ATF7IP2: variants seen among roughly 807,000 people sequenced by gnomAD.
ATF7IP2 encodes activating transcription factor 7 interacting protein 2, also known as activating transcription factor 7-interacting protein 2.
A neutral mutation model predicts 64.2 loss-of-function variants in ATF7IP2; 42 were observed. The observed-to-expected ratio is 0.65, with a 90% CI of 0.51 to 0.85. The LOEUF (loss-of-function observed/expected upper bound fraction) is 0.85, where lower values mean the gene tolerates loss of function less well. ATF7IP2 is among the 40% of genes least tolerant of loss of function. ATF7IP2 has a pLI of 0.00. For synonymous variants in ATF7IP2, 308 were observed against 272.8 expected (o/e 1.13, Z -1.27); for missense variants, 933 against 784.2 (o/e 1.19, Z -2.27).
At chr16:10,433,460 C>A in intron 5 of ATF7IP2, 65 bp from the exon 6 acceptor site, 2 of 1,470,334 alleles carry the variant, frequency 1.4e-6, no homozygotes, top group South Asian at 1.2e-5. Flanking sequence ...CAGACATGAG[C>A]CACCACACTG....
At chr16:10,459,248 C>G (rs2049288879) in intron 9 of ATF7IP2, among the ~76,000 whole-genome samples, 1 of 152,076 alleles carries the variant, frequency 6.6e-6, no homozygotes, top group South Asian at 2.1e-4. Flanking sequence ...GTGGGTGGAT[C>G]ACGAGGTCAG....
intron 9 of ATF7IP2, among the ~76,000 whole-genome samples, chr16:10,465,416 T>A (rs1470858803): frequency 1.3e-5 from 2 of 151,952 alleles, no homozygotes; most frequent in East Asian, 3.9e-4. Flanking sequence ...ATAAAAATTA[T>A]CAGTTTCCTC....
At chr16:10,387,355 A>T (rs2047222478) in intron 1 of ATF7IP2, 1 of 152,228 alleles carries the variant, frequency 6.6e-6, no homozygotes, top group East Asian at 1.9e-4. Context: ...CTCCGATCTT[A>T]ATCAAATTTA....
intron 1 of ATF7IP2, among the ~76,000 whole-genome samples, chr16:10,397,907 A>C (rs977306568): frequency 6.6e-6 from 1 of 152,084 alleles, no homozygotes; most frequent in Non-Finnish European, 1.5e-5. Flanking sequence ...TTTCAAAAGA[A>C]GACATACAAA....
At chr16:10,476,287 T>C (rs2050005133) in intron 12 of ATF7IP2, among the ~76,000 whole-genome samples, 1 of 152,204 alleles carries the variant, frequency 6.6e-6, no homozygotes, top group African/African-American at 2.4e-5. Context: ...AGAATCTTGT[T>C]CATCTTTGTG....
At chr16:10,453,704 A>C (rs1486369843) in intron 8 of ATF7IP2, among the ~76,000 whole-genome samples, 1 of 152,074 alleles carries the variant, frequency 6.6e-6, no homozygotes, top group Non-Finnish European at 1.5e-5. Context: ...CGCAACCTCC[A>C]TCTCCTGGGT....
At chr16:10,431,990 ATTTTTTTTTT>A (rs34029007) in intron 5 of ATF7IP2, among the ~76,000 whole-genome samples, 2 of 111,608 alleles carry the variant, frequency 1.8e-5, no homozygotes, top group South Asian at 6.1e-4. Context: ...CGCCCGGCTA[ATTTTTTTTTT>A]TTTTTTTTTT....
At chr16:10,432,161 G>A (rs1479065211) in intron 5 of ATF7IP2, among the ~76,000 whole-genome samples, 1 of 151,926 alleles carries the variant, frequency 6.6e-6, no homozygotes, top group Non-Finnish European at 1.5e-5. Context: ...CTATAGAATT[G>A]ACCTGTAAAT....
At chr16:10,453,316 T>C (rs528071820) in intron 8 of ATF7IP2, among the ~76,000 whole-genome samples, 8 of 152,236 alleles carry the variant, frequency 5.3e-5, no homozygotes, top group Non-Finnish European at 1.0e-4. Flanking sequence ...GCATAGTCCA[T>C]CATGGCTTCC....
chr16:10,393,351 T>G, intron 1 of ATF7IP2, among the ~76,000 whole-genome samples: 1 of 146,554 alleles, frequency 6.8e-6, no homozygotes, highest in African/African-American at 2.5e-5. Flanking sequence ...AAGACACCAT[T>G]GGAAAAATCC....
At chr16:10,412,407 A>T (rs960079800) in intron 1 of ATF7IP2, among the ~76,000 whole-genome samples, 5 of 152,054 alleles carry the variant, frequency 3.3e-5, no homozygotes, top group Non-Finnish European at 7.4e-5. Context: ...GAACTTTTTA[A>T]TTTCCATCTT....
intron 9 of ATF7IP2, among the ~76,000 whole-genome samples, chr16:10,463,284 C>T (rs751742520): frequency 6.6e-5 from 10 of 152,230 alleles, no homozygotes; most frequent in Non-Finnish European, 1.2e-4. Flanking sequence ...AGCAGAGAGA[C>T]ACAGCACCTG....
chr16:10,424,279 T>A (rs1383302813), intron 3 of ATF7IP2, among the ~76,000 whole-genome samples: 1 of 152,222 alleles, frequency 6.6e-6, no homozygotes, highest in East Asian at 1.9e-4. Flanking sequence ...TGCAGAGATT[T>A]TGTTTATGGC....
intron 1 of ATF7IP2, among the ~76,000 whole-genome samples, chr16:10,412,578 C>G (rs1159936198): frequency 1.3e-5 from 2 of 152,044 alleles, no homozygotes; most frequent in Non-Finnish European, 2.9e-5. Flanking sequence ...TTTATTGAGG[C>G]TTGTTTTGTA....
At chr16:10,460,053 TATTAAA>T (rs1237766922) in intron 9 of ATF7IP2, among the ~76,000 whole-genome samples, 1 of 152,172 alleles carries the variant, frequency 6.6e-6, no homozygotes, top group Non-Finnish European at 1.5e-5. Flanking sequence ...AGAGATTAAT[TATTAAA>T]ATTAATAAGA....
chr16:10,386,413 A>T (rs2047204991), intron 1 of ATF7IP2: 1 of 152,402 alleles, frequency 6.6e-6, no homozygotes, highest in East Asian at 1.9e-4. Flanking sequence ...GGGGTTAGGG[A>T]CTGCGGAGGG....
At chr16:10,431,605 TAGTG>T (rs1314740931) in intron 5 of ATF7IP2, 150 bp downstream of exon 5, 3 of 560,858 alleles carry the variant, frequency 5.3e-6, no homozygotes, top group African/African-American at 3.7e-5. Context: ...GAACCATTCT[TAGTG>T]AGGTGGGGGA....
intron 8 of ATF7IP2, among the ~76,000 whole-genome samples, chr16:10,451,375 G>A (rs904657846): frequency 1.8e-4 from 28 of 152,096 alleles, no homozygotes; most frequent in Non-Finnish European, 4.0e-4. Context: ...TTGCTAGGTT[G>A]GGGAAGTTCT....
chr16:10,462,072 A>T (rs2049391843), intron 9 of ATF7IP2, among the ~76,000 whole-genome samples: 2 of 151,980 alleles, frequency 1.3e-5, no homozygotes, highest in African/African-American at 4.8e-5. Flanking sequence ...CGTTTTCATT[A>T]TTCCTTTAGA....
Sources: allele counts gnomAD v4.1 joint callset (sites outside exome capture counted in the v4.1 genomes callset), GRCh38; gene constraint gnomAD v4.1.1; transcripts MANE v1.5; gene names NCBI Gene and HGNC (gene_info 2026-07-23, HGNC 2026-07-21).